JAG2: variants seen among roughly 807,000 people sequenced by gnomAD.
JAG2 encodes the protein protein jagged-2.
Under a neutral mutation model 141.7 loss-of-function variants are expected in JAG2, and 46 were observed. The ratio of observed to expected loss-of-function variants is 0.32; its 90% CI spans 0.26 to 0.42. JAG2 has a LOEUF of 0.42. Among genes scored for constraint, JAG2 ranks in the 10% least tolerant of loss-of-function variants. JAG2 has a pLI of 1.00. For missense variants in JAG2, 1,500 were observed against 1,817.5 expected (o/e 0.83, Z 3.18); for synonymous variants, 862 against 763.5 (o/e 1.13, Z -2.13).
At chr14:105,155,204 G>A (rs1338540189) in intron 5 of JAG2, among the ~76,000 whole-genome samples, 1 of 151,306 alleles carries the variant, frequency 6.6e-6, no homozygotes, top group African/African-American at 2.4e-5. Context: ...GGTGTCACTT[G>A]CCGGCCGCTC....
chr14:105,151,466 G>GGCGCT, intron 8 of JAG2, 70 bp from the exon 9 acceptor site: 1 of 1,464,772 alleles, frequency 6.8e-7, no homozygotes, highest in South Asian at 1.2e-5. Flanking sequence ...ATGGGCAGGT[G>GGCGCT]GCGCTGCAAG....
intron 12 of JAG2, among the ~76,000 whole-genome samples, 183 bp from the exon 13 acceptor site, chr14:105,149,503 C>A (rs587695083): frequency 6.6e-6 from 1 of 151,972 alleles, no homozygotes; most frequent in Admixed American, 6.5e-5. Flanking sequence ...CTTAGCTGAA[C>A]GCAGATACCT....
intron 25 of JAG2, 67 bp downstream of exon 25, chr14:105,143,415 C>G: frequency 1.3e-6 from 2 of 1,511,788 alleles, no homozygotes; most frequent in Non-Finnish European, 1.8e-6. Flanking sequence ...CAGGATCGGC[C>G]GGCTCTGTGC....
intron 25 of JAG2, 102 bp downstream of exon 25, chr14:105,143,380 T>C (rs1471810343): frequency 5.0e-6 from 7 of 1,412,656 alleles, no homozygotes; most frequent in African/African-American, 4.3e-5. Flanking sequence ...GGGACTTCTG[T>C]GTTCCTGGTG....
In JAG2 at chr14:105,150,532, T is replaced by C. The variant is rs990865619; in HGVS notation, c.1602+72A>G. 3.5e-6 allele frequency: 5 copies of C among 1,436,702 alleles called. No individual in the cohort carries two copies. In the Admixed American group the frequency reaches 8.3e-5, roughly 24 times the overall value. 89.0% of individuals were successfully genotyped at this position (1,436,702 alleles called of 1,614,324 possible). On this transcript the variant is annotated intron_variant, in intron 12 of 25. Transcript: ENST00000331782. ...GCACCCCTGGGTCACTCAGGCCCCA[T>C]GGTCAGGGGACGAGGCCTGCCCTAC...
intron 9 of JAG2, 83 bp downstream of exon 9, chr14:105,151,199 GC>G (rs1888415577): frequency 2.7e-6 from 4 of 1,472,466 alleles, no homozygotes; most frequent in Non-Finnish European, 3.7e-6. Flanking sequence ...AGCCCCAGCA[GC>G]CCCAGCAGCC....
At chr14:105,144,594 G>A (rs765187385) in intron 24 of JAG2, among the ~76,000 whole-genome samples, 6 of 152,184 alleles carry the variant, frequency 3.9e-5, no homozygotes, top group Non-Finnish European at 8.8e-5. Flanking sequence ...CAGTCCCAAA[G>A]CAGGCCTCCC....
At chr14:105,163,302 G>A (rs1022228123) in intron 2 of JAG2, among the ~76,000 whole-genome samples, 4 of 152,150 alleles carry the variant, frequency 2.6e-5, no homozygotes, top group South Asian at 2.1e-4. Flanking sequence ...CCCCAGGGCC[G>A]CAGCAGGAGG....
intron 21 of JAG2, 38 bp from the exon 22 acceptor site, chr14:105,146,538 T>A (rs1888229574): frequency 1.2e-6 from 2 of 1,603,800 alleles, no homozygotes. Flanking sequence ...GCAGTGGGCA[T>A]CTGGCCCTCG....
At chr14:105,146,300 C>T in intron 22 of JAG2, 85 bp downstream of exon 22, 2 of 1,221,856 alleles carry the variant, frequency 1.6e-6, no homozygotes, top group Non-Finnish European at 2.4e-6. Flanking sequence ...CGGACCCCAG[C>T]ACCCGCCTCC....
At chr14:105,151,242 T>G (rs1227108812) in intron 9 of JAG2, 41 bp downstream of exon 9, 8 of 1,010,216 alleles carry the variant, frequency 7.9e-6, no homozygotes, top group African/African-American at 4.2e-5. Context: ...GCAGCCCGCA[T>G]GCGCGGCCCA....
intron 2 of JAG2, among the ~76,000 whole-genome samples, chr14:105,166,295 C>T (rs1266431802): frequency 6.6e-6 from 1 of 152,258 alleles, no homozygotes; most frequent in Non-Finnish European, 1.5e-5. Flanking sequence ...CCCACACCCA[C>T]TGCTGCCAAC....
chr14:105,146,996 G>A (rs1397447229), intron 20 of JAG2: 1 of 610,194 alleles, frequency 1.6e-6, no homozygotes, highest in Non-Finnish European at 2.9e-6. Flanking sequence ...CCAGCCAAGG[G>A]GTGCTGGACA....
At chr14:105,165,339 G>A (rs1159931147) in intron 2 of JAG2, among the ~76,000 whole-genome samples, 4 of 152,224 alleles carry the variant, frequency 2.6e-5, no homozygotes, top group Non-Finnish European at 4.4e-5. Flanking sequence ...CAGAGCACCC[G>A]GGGTGCGTGC....
In JAG2 at chr14:105,143,497, C is replaced by T. The variant is rs78487156; in HGVS notation, c.3226G>A (p.Gly1076Ser). 4.4e-5 allele frequency: 69 copies of T among 1,561,156 alleles called. No individual in the cohort carries two copies. In the African/African-American group the frequency reaches 8.2e-4, roughly 19 times the overall value. ...CCGCGCTTACCTGTGGAAGAGCCGCCCGTAACAACCGTCTCCACCTTGACC... is the reference window on the plus strand; with the variant it reads ...CCGCGCTTACCTGTGGAAGAGCCGCTCGTAACAACCGTCTCCACCTTGACC... ...TEVKVETVVT[G>S]GSSTGLLVPV... Residue 1076 changes from glycine to serine, a missense_variant, in exon 25 of 26, where the codon GGC becomes AGC. Gly to Ser is a moderately conservative substitution (Grantham distance 56). Around this residue, in one of 3 missense-constraint regions of JAG2, gnomAD observed 425 missense variants for 441.0 expected, o/e 0.96. Coordinates refer to ENST00000331782, the MANE Select transcript of JAG2 (RefSeq NM_002226.5).
chr14:105,156,011 GC>G, intron 3 of JAG2, 22 bp from the exon 4 acceptor site: 1 of 1,598,222 alleles, frequency 6.3e-7, no homozygotes, highest in South Asian at 1.1e-5. Flanking sequence ...GGCAGAGTCA[GC>G]ACAGGCCAGA....
Position 105,167,678 on chromosome 14 carries a change from T to C in JAG2, c.417+79A>G, listed in dbSNP as rs1888961312. The C allele has an allele frequency of 1.6e-6, 2 of 1,288,914 alleles. No homozygotes were observed. Among genetic ancestry groups the C allele is most frequent in the Non-Finnish European group, 2.0e-6 (2 of 1,016,942 alleles). The allele number at this position is 1,288,914 out of a possible 1,614,324, so 79.8% of individuals were successfully genotyped here. ...TCGCACGCAGACCCGGCCGCAGGTGTTGGGGGTCGCGAAGCGCGCGGGGCC... is the reference window on the plus strand; with the variant it reads ...TCGCACGCAGACCCGGCCGCAGGTGCTGGGGGTCGCGAAGCGCGCGGGGCC... On this transcript the variant is annotated intron_variant, in intron 2 of 25. Coordinates refer to ENST00000331782, the MANE Select transcript of JAG2 (RefSeq NM_002226.5). This position sits in a 1 kb window ranked among gnomAD's most constrained non-coding sequence, Gnocchi z 4.8.
intron 2 of JAG2, among the ~76,000 whole-genome samples, chr14:105,162,020 C>T (rs766583519): frequency 1.4e-4 from 22 of 152,180 alleles, no homozygotes; most frequent in African/African-American, 4.8e-4. Context: ...GCATGTTGCC[C>T]TTCTAGGAAC....
rs746476458 is a variant in JAG2 at position 105,168,044 on chromosome 14, G to A, written c.130C>T (p.Leu44=). 14 of 1,594,074 alleles carry A rather than the reference G, an allele frequency of 8.8e-6. No homozygotes were observed. In the East Asian group the frequency reaches 1.4e-4, roughly 15 times the overall value. ...LSALRNVNGE[L]LSGACCDGDG... Reference sequence around the variant, plus strand: ...CCGTCACAGCAGGCGCCGCTCAGCAGCTCCCCGTTCACGTTCCGCAGCGCG... The same window carrying A: ...CCGTCACAGCAGGCGCCGCTCAGCAACTCCCCGTTCACGTTCCGCAGCGCG... The change falls in exon 2 of 26, where the codon CTG becomes TTG. Residue 44 remains leucine, a synonymous_variant. Transcript: ENST00000331782.
Sources: gnomAD v4.1 joint callset for allele counts (sites outside exome capture counted in the v4.1 genomes callset) on GRCh38, gnomAD v4.1.1 for gene constraint, gnomAD v4.1.1 regional missense constraint, Gnocchi (gnomAD v3.1) non-coding constraint, MANE v1.5 for transcripts, NCBI Gene and HGNC (gene_info 2026-07-23, HGNC 2026-07-21) for gene names.